KCNN1: variants seen among roughly 807,000 people sequenced by gnomAD.
KCNN1 encodes the protein potassium calcium-activated channel subfamily N member 1.
In KCNN1, 20 loss-of-function variants were observed where a neutral mutation model predicts 44.7. The observed-to-expected ratio is 0.45, with a 90% CI of 0.32 to 0.65. The LOEUF (loss-of-function observed/expected upper bound fraction) is 0.65, where lower values mean the gene tolerates loss of function less well. Ranked by LOEUF, KCNN1 falls within the 30% of genes least tolerant of loss-of-function variation. The pLI is 0.05. For missense variants in KCNN1, 632 were observed against 785.3 expected (o/e 0.80, Z 2.33); for synonymous variants, 324 against 341.7 (o/e 0.95, Z 0.57).
chr19:17,985,273 T>C, intron 4 of KCNN1, 39 bp from the exon 5 acceptor site: 1 of 1,550,422 alleles, frequency 6.4e-7, no homozygotes, highest in Non-Finnish European at 8.7e-7. Context: ...GGGGATGGTA[T>C]AGACTGAGCC....
Position 17,998,390 on chromosome 19 carries a change from C to T in KCNN1, c.1616C>T (p.Pro539Leu), listed in dbSNP as rs769374870. The T allele has an allele frequency of 1.1e-5, 16 of 1,483,280 alleles. No individual in the cohort carries two copies. Among genetic ancestry groups the T allele is most frequent in the East Asian group, 2.4e-5 (1 of 41,428 alleles). The allele number at this position is 1,483,280 out of a possible 1,614,324, so 91.9% of individuals were successfully genotyped here. Residue 539 changes from proline (P) to leucine (L), a missense_variant, in exon 10 of 10, where the codon CCC becomes CTC. Coordinates refer to ENST00000684775, the MANE Select transcript of KCNN1 (RefSeq NM_001386974.1). This position sits in a 1 kb window ranked among gnomAD's most constrained non-coding sequence, Gnocchi z 5.4. ...SSPCRWTPVA[P>L]SDCG Reference sequence around the variant, plus strand: ...CCCTGCCGGTGGACGCCCGTGGCCCCCTCGGACTGCGGGTGACGGCCCTGC... The same window carrying T: ...CCCTGCCGGTGGACGCCCGTGGCCCTCTCGGACTGCGGGTGACGGCCCTGC...
chr19:17,973,713 AAACTTAG>A, intron 1 of KCNN1, 88 bp from the exon 2 acceptor site: 1 of 1,396,438 alleles, frequency 7.2e-7, no homozygotes, highest in Non-Finnish European at 9.3e-7. Context: ...GGCCACTCCC[AAACTTAG>A]AACGTTCTGG....
chr19:17,979,294 G>A (rs1028052983), intron 3 of KCNN1, among the ~76,000 whole-genome samples: 1 of 151,454 alleles, frequency 6.6e-6, no homozygotes, highest in African/African-American at 2.4e-5. Flanking sequence ...TTAGCCAGGC[G>A]TGGTGGCGGG....
chr19:17,991,960 T>C (rs2032810859), intron 7 of KCNN1, among the ~76,000 whole-genome samples: 1 of 152,162 alleles, frequency 6.6e-6, no homozygotes, highest in African/African-American at 2.4e-5. Context: ...CTGACGACAA[T>C]GCTGTCCACT....
At chr19:17,970,339 ACAGGGTCTCACTCTGTTATC>A (rs2031974333) in intron 1 of KCNN1, among the ~76,000 whole-genome samples, 2 of 87,252 alleles carry the variant, frequency 2.3e-5, no homozygotes, top group African/African-American at 8.8e-5. Flanking sequence ...TTTTTTGGAG[ACAGGGTCTCACTCTGTTATC>A]CAGGCTGGAA....
chr19:17,972,167 G>A (rs1046016975), intron 1 of KCNN1: 2 of 152,366 alleles, frequency 1.3e-5, no homozygotes, highest in African/African-American at 4.8e-5. Flanking sequence ...CCAGGAGTCC[G>A]AGGCTGCAGT....
intron 1 of KCNN1, among the ~76,000 whole-genome samples, chr19:17,970,449 C>T (rs1287262215): frequency 6.6e-6 from 1 of 151,348 alleles, no homozygotes; most frequent in African/African-American, 2.4e-5. Flanking sequence ...TCCCAAGTAG[C>T]TGGGATGACA....
intron 1 of KCNN1, among the ~76,000 whole-genome samples, chr19:17,969,584 G>A (rs897191146): frequency 4.0e-5 from 6 of 151,596 alleles, no homozygotes; most frequent in Admixed American, 1.3e-4. Flanking sequence ...ACCTTAGGAC[G>A]CGGCTGCCAG....
upstream of KCNN1, among the ~76,000 whole-genome samples, chr19:17,966,827 A>G (rs955693829): frequency 6.6e-6 from 1 of 151,418 alleles, no homozygotes; most frequent in Non-Finnish European, 1.5e-5. Flanking sequence ...AGAGCGGCTG[A>G]AGTTTGGGAC....
chr19:17,958,689 T>TATTTATTTATTC (rs2031603561), intron 2 of KCNN1, among the ~76,000 whole-genome samples: 1 of 85,988 alleles, frequency 1.2e-5, no homozygotes, highest in Non-Finnish European at 2.3e-5. Flanking sequence ...TTTTCAATTG[T>TATTTATTTATTC]ATTTATTTAT....
chr19:17,985,473 T>C lies in KCNN1; in HGVS notation c.1059+20T>C. ...ATCATGGTAAGGGTGAGGGTCCATG[T>C]GTATGATCCTGGGAGGTCCAGCCAG... On this transcript the variant is annotated intron_variant, in intron 5 of 9. Transcript: ENST00000684775. 6.5e-7 allele frequency: 1 copy of C among 1,549,638 alleles called. No individual in the cohort carries two copies. Among genetic ancestry groups the C allele is most frequent in the East Asian group, 2.3e-5 (1 of 42,744 alleles).
At chr19:17,992,938 G>A (rs1475707618) in intron 7 of KCNN1, 116 bp from the exon 8 acceptor site, 3 of 1,347,982 alleles carry the variant, frequency 2.2e-6, no homozygotes, top group Middle Eastern at 1.8e-4. Context: ...GGAACCCCGC[G>A]CGGGGCCCTA....
intron 2 of KCNN1, among the ~76,000 whole-genome samples, chr19:17,957,738 C>G (rs1332315976): frequency 6.6e-6 from 1 of 152,028 alleles, no homozygotes; most frequent in Non-Finnish European, 1.5e-5. Context: ...AGGGTGTGGA[C>G]TTCAGAGCAA....
In KCNN1 at chr19:17,974,360, G is replaced by T; in HGVS notation, c.402+70G>T. The T allele has an allele frequency of 6.8e-7, 1 of 1,476,180 alleles. No individual in the cohort carries two copies. Among genetic ancestry groups the T allele is most frequent in the African/African-American group, 1.4e-5 (1 of 70,884 alleles). The allele number at this position is 1,476,180 out of a possible 1,614,324, so 91.4% of individuals were successfully genotyped here. ...GCCCGCCTAGCTTTCTTGACATGGG[G>T]TTGGGGGTGGCAGGGCCCCCCGGGA... On this transcript the variant is annotated intron_variant, in intron 2 of 9. Transcript: ENST00000684775. This position sits in a 1 kb window ranked among gnomAD's most constrained non-coding sequence, Gnocchi z 7.3.
intron 4 of KCNN1, chr19:17,982,639 C>T: frequency 1.0e-6 from 1 of 963,942 alleles, no homozygotes; most frequent in Non-Finnish European, 1.2e-6. Flanking sequence ...TGCCGCCATC[C>T]CCGACCCGCT....
intron 9 of KCNN1, among the ~76,000 whole-genome samples, chr19:17,997,227 C>T (rs1413796168): frequency 2.0e-5 from 3 of 152,170 alleles, no homozygotes; most frequent in Non-Finnish European, 4.4e-5. Flanking sequence ...GACCCCTGTC[C>T]CCTCCCCAGC....
At chr19:17,979,530 G>A (rs1356811859) in intron 3 of KCNN1, among the ~76,000 whole-genome samples, 1 of 130,082 alleles carries the variant, frequency 7.7e-6, no homozygotes, top group Non-Finnish European at 1.6e-5. Context: ...AAATAGGGTG[G>A]GGGGTGGGGG....
chr19:17,969,374 G>A (rs1474837496), intron 1 of KCNN1, among the ~76,000 whole-genome samples: 1 of 152,172 alleles, frequency 6.6e-6, no homozygotes, highest in Non-Finnish European at 1.5e-5. Flanking sequence ...TGTAAAATGG[G>A]AACGGGAATG....
At chr19:17,958,767 G>A (rs990290892) in intron 2 of KCNN1, among the ~76,000 whole-genome samples, 7 of 150,626 alleles carry the variant, frequency 4.6e-5, no homozygotes, top group South Asian at 2.1e-4. Context: ...GCGCGATCTC[G>A]GCTCACTGCA....
Sources: gnomAD v4.1 joint callset for allele counts (sites outside exome capture counted in the v4.1 genomes callset) on GRCh38, gnomAD v4.1.1 for gene constraint, Gnocchi (gnomAD v3.1) non-coding constraint, MANE v1.5 for transcripts, NCBI Gene and HGNC (gene_info 2026-07-23, HGNC 2026-07-21) for gene names.